ADGRL2: variants seen among roughly 807,000 people sequenced by gnomAD.
ADGRL2 encodes the protein adhesion G protein-coupled receptor L2.
In ADGRL2, 44 loss-of-function variants were observed where a neutral mutation model predicts 157.4. The ratio of observed to expected loss-of-function variants is 0.28; its 90% confidence interval spans 0.22 to 0.36. The LOEUF (loss-of-function observed/expected upper bound fraction) is 0.36, where lower values mean the gene tolerates loss of function less well. Among genes scored for constraint, ADGRL2 ranks in the 10% least tolerant of loss-of-function variants. The pLI is 1.00. For missense variants in ADGRL2, 1,510 were observed against 1,768.9 expected (o/e 0.85, Z 2.63); for synonymous variants, 585 against 624.7 (o/e 0.94, Z 0.95).
intron 1 of ADGRL2, among the ~76,000 whole-genome samples, chr1:81,344,742 T>TA (rs1481350440): frequency 1.3e-5 from 2 of 148,410 alleles, no homozygotes; most frequent in African/African-American, 5.0e-5. Context: ...ATCAGTAACA[T>TA]AAAAAATCAA....
chr1:81,883,972 C>A (rs2094057171), intron 2 of ADGRL2, among the ~76,000 whole-genome samples: 1 of 144,054 alleles, frequency 6.9e-6, no homozygotes. Context: ...ATAAATGTTT[C>A]TTTGTTTTCA....
chr1:81,823,840 A>G (rs760310699), intron 1 of ADGRL2, among the ~76,000 whole-genome samples: 6 of 152,204 alleles, frequency 3.9e-5, no homozygotes, highest in Admixed American at 6.5e-5. Context: ...CTATGACCCA[A>G]GAACATAAGA....
At chr1:81,639,430 A>C (rs2082174533) in intron 3 of ADGRL2, among the ~76,000 whole-genome samples, 1 of 151,218 alleles carries the variant, frequency 6.6e-6, no homozygotes, top group Non-Finnish European at 1.5e-5. Flanking sequence ...TAGGCTGGAC[A>C]CAGTGGCTCA....
At chr1:81,591,368 G>T (rs551225825) in intron 3 of ADGRL2, among the ~76,000 whole-genome samples, 1 of 152,072 alleles carries the variant, frequency 6.6e-6, no homozygotes, top group East Asian at 1.9e-4. Context: ...TGAGAATTTA[G>T]CCTCCTTTAA....
intron 3 of ADGRL2, among the ~76,000 whole-genome samples, chr1:81,917,862 A>G (rs569411478): frequency 1.4e-4 from 22 of 152,290 alleles, no homozygotes; most frequent in African/African-American, 5.1e-4. Flanking sequence ...TAAACCCATG[A>G]AGGTAATGAA....
At position 81,415,146 on chromosome 1, in the gene ADGRL2, T is replaced by C. The variant is rs560333188; in HGVS notation, c.-301-29890T>C. On this transcript the variant is annotated intron_variant, in intron 1 of 24. Transcript: ENST00000370721. ...CTGCACCAGAAGTGGAAATTATAAC[T>C]CTTTTAAGCAGAAAAGACAAGATTG... Among the ~76,000 whole-genome samples the C allele has an allele frequency of 8.5e-5, 13 of 152,322 alleles. 1 individual carries two copies. The South Asian group carries it at 2.7e-3, about 32-fold the overall frequency.
intron 20 of ADGRL2, 74 bp from the exon 21 acceptor site, chr1:81,985,185 C>T: frequency 1.2e-6 from 1 of 804,726 alleles, no homozygotes; most frequent in Non-Finnish European, 2.0e-6. Context: ...TAGGGTAAAT[C>T]CTTGTATGTC....
chr1:81,584,257 A>G (rs953092295), intron 3 of ADGRL2, among the ~76,000 whole-genome samples: 6 of 152,166 alleles, frequency 3.9e-5, no homozygotes, highest in Non-Finnish European at 8.8e-5. Flanking sequence ...GTGGCTTATT[A>G]GCAAATAACC....
chr1:81,689,040 C>T (rs2083282118), intron 3 of ADGRL2, among the ~76,000 whole-genome samples: 1 of 152,178 alleles, frequency 6.6e-6, no homozygotes, highest in Admixed American at 6.5e-5. Flanking sequence ...GGTCTCTCAG[C>T]TGTGGAGAAC....
chr1:81,942,463 T>C (rs1648393038), intron 5 of ADGRL2, among the ~76,000 whole-genome samples: 1 of 151,906 alleles, frequency 6.6e-6, no homozygotes, highest in African/African-American at 2.4e-5. Context: ...ATACTTATGT[T>C]CCTCAAATTG....
chr1:81,581,408 T>G (rs973779773), intron 3 of ADGRL2, among the ~76,000 whole-genome samples: 4 of 152,312 alleles, frequency 2.6e-5, no homozygotes, highest in East Asian at 1.9e-4. Context: ...TTTATCAGAT[T>G]CAGCAGCTCC....
In ADGRL2 at chr1:81,973,563, A is replaced by T. The variant is rs1659367256; in HGVS notation, c.3021+1645A>T. 3.9e-5 allele frequency among the ~76,000 whole-genome samples: 6 copies of T among 152,354 alleles called. No homozygotes were observed. The South Asian group carries it at 1.2e-3, about 32-fold the overall frequency. On this transcript the variant is annotated intron_variant, in intron 17 of 23. Coordinates refer to ENST00000686636, the MANE Select transcript of ADGRL2 (RefSeq NM_001366006.2). The stretch of plus-strand genomic sequence containing the variant: ...AGTACTGACTTTAGATCATTAAAAA[A>T]CATTTCAATTAGCAAAAGAAGTTAA...
intron 2 of ADGRL2, among the ~76,000 whole-genome samples, chr1:81,454,762 GGAAT>G (rs2077769285): frequency 6.6e-6 from 1 of 152,140 alleles, no homozygotes; most frequent in African/African-American, 2.4e-5. Flanking sequence ...CTCCATAACT[GGAAT>G]GCTCCTTCCT....
At chr1:81,801,219 A>T (rs1287861907) in intron 1 of ADGRL2, among the ~76,000 whole-genome samples, 151 bp downstream of exon 1, 3 of 152,022 alleles carry the variant, frequency 2.0e-5, no homozygotes, top group Non-Finnish European at 4.4e-5. Context: ...TCTTCTTTTG[A>T]GTTTGCCCGA....
chr1:81,329,633 A>G (rs1661137779), intron 1 of ADGRL2, among the ~76,000 whole-genome samples: 1 of 152,198 alleles, frequency 6.6e-6, no homozygotes, highest in Non-Finnish European at 1.5e-5. Context: ...TTTAGAAAAG[A>G]AAGCTCTAAA....
At chr1:81,950,968 A>C in intron 7 of ADGRL2, 50 bp from the exon 8 acceptor site, 1 of 1,150,708 alleles carries the variant, frequency 8.7e-7, no homozygotes, top group South Asian at 1.2e-5. Flanking sequence ...TCCCGAATGC[A>C]TGCAGAAAAA....
rs571880234 is a variant in ADGRL2, at chr1:81,715,472, A to T, written c.-143+15664A>T. 2.6e-5 allele frequency among the ~76,000 whole-genome samples: 4 copies of T among 152,282 alleles called. No homozygotes were observed. In the South Asian group the frequency reaches 8.3e-4, roughly 32 times the overall value. On this transcript the variant is annotated intron_variant, in intron 1 of 20. Transcript: ENST00000359929. The stretch of plus-strand genomic sequence containing the variant: ...GTTAGTGTGTATGTGCATCTTGTAA[A>T]TTCTTGTGCTTAAAGTTGCCTTTCA...
intron 1 of ADGRL2, among the ~76,000 whole-genome samples, chr1:81,377,014 A>G (rs983353569): frequency 3.3e-5 from 5 of 152,046 alleles, no homozygotes; most frequent in African/African-American, 1.2e-4. Flanking sequence ...AAAGCGAGAC[A>G]CCATCTCTCC....
chr1:81,330,096 C>T (rs1190898106), intron 1 of ADGRL2, among the ~76,000 whole-genome samples: 1 of 151,986 alleles, frequency 6.6e-6, no homozygotes, highest in East Asian at 1.9e-4. Flanking sequence ...TGGTATTTGC[C>T]ATATGCTAAT....
Sources: allele counts gnomAD v4.1 joint callset (sites outside exome capture counted in the v4.1 genomes callset), GRCh38; gene constraint gnomAD v4.1.1; transcripts MANE v1.5; gene names NCBI Gene and HGNC (gene_info 2026-07-23, HGNC 2026-07-21).